Variants in KIF6 observed in about 807,000 individuals in gnomAD.
KIF6 encodes the protein kinesin family member 6.
Under a neutral mutation model 112.7 loss-of-function variants are expected in KIF6, and 106 were observed. The observed-to-expected ratio is 0.94, with a 90% CI of 0.80 to 1.11. The LOEUF is 1.11. Among genes scored for constraint, KIF6 ranks in the 50% least tolerant of loss-of-function variants. The pLI, the probability that KIF6 is intolerant of heterozygous loss-of-function variation, is 0.00. For synonymous variants in KIF6, 339 were observed against 339.9 expected (o/e 1.00, Z 0.03); for missense variants, 929 against 964.0 (o/e 0.96, Z 0.48).
chr6:39,542,663 G>A (rs192057733), intron 12 of KIF6, among the ~76,000 whole-genome samples: 2 of 152,270 alleles, frequency 1.3e-5, no homozygotes, highest in African/African-American at 4.8e-5. Flanking sequence ...ACAGCTTTGA[G>A]AGGATTAAAT....
chr6:39,361,523 C>T (rs1765135765), intron 17 of KIF6, among the ~76,000 whole-genome samples: 1 of 136,836 alleles, frequency 7.3e-6, no homozygotes, highest in Non-Finnish European at 1.5e-5. Context: ...CACACCACTG[C>T]ACTGCAGCCT....
rs202145144 is a variant in KIF6 at position 39,385,643 on chromosome 6, G to T, written c.1840C>A (p.His614Asn). 22 of 1,613,690 alleles carry T rather than the reference G, an allele frequency of 1.4e-5. No homozygotes were observed. In the East Asian group the frequency reaches 4.9e-4, roughly 36 times the overall value. ...CTACCTAGGGCTACTTGCTGTATATGCCGCTGGGTGATTTCTTCCTTCAGG... is the reference window on the plus strand; with the variant it reads ...CTACCTAGGGCTACTTGCTGTATATTCCGCTGGGTGATTTCTTCCTTCAGG... ...GHLKEEITQR[H>N]IQQVALGISE... Residue 614 changes from histidine to asparagine, a missense_variant, in exon 16 of 23, where the codon CAT becomes AAT. Coordinates refer to ENST00000287152, the MANE Select transcript of KIF6 (RefSeq NM_145027.6).
At position 39,343,798 on chromosome 6, in the gene KIF6, A is replaced by G. The variant is rs754709312; in HGVS notation, c.2339T>C (p.Val780Ala). Residue 780 changes from valine to alanine, a missense_variant, in exon 22 of 23, where the codon GTG becomes GCG. Val to Ala is a moderately conservative substitution (Grantham distance 64). This residue lies in a region of KIF6 where 241 missense variants were observed against 301.4 expected (regional missense o/e 0.80). Transcript: ENST00000287152. This position sits in a 1 kb window ranked among gnomAD's most constrained non-coding sequence, Gnocchi z 4.1. ...GTCTCCGGTGAGAGGGATGGACGACACTGGCCTCTTGGGGATGCTGGAGGC... is the reference window on the plus strand; with the variant it reads ...GTCTCCGGTGAGAGGGATGGACGACGCTGGCCTCTTGGGGATGCTGGAGGC... ...PLEDSIPKRP[V>A]SSIPLTGDSQ... 4.4e-5 allele frequency: 70 copies of G among 1,608,786 alleles called. No homozygotes were observed. The highest frequency in any genetic ancestry group is 5.6e-5 in the Non-Finnish European group (66 of 1,177,886).
chr6:39,643,807 GA>G (rs1179965525), intron 3 of KIF6, among the ~76,000 whole-genome samples: 1 of 151,768 alleles, frequency 6.6e-6, no homozygotes. Flanking sequence ...AGAGCCAAAG[GA>G]AAAAAATAAG....
chr6:39,695,532 G>A (rs965723110), intron 3 of KIF6, among the ~76,000 whole-genome samples: 1 of 151,932 alleles, frequency 6.6e-6, no homozygotes, highest in African/African-American at 2.4e-5. Context: ...ATACAAATGG[G>A]CAACCAAGAT....
chr6:39,655,626 G>T (rs771649080), intron 3 of KIF6, among the ~76,000 whole-genome samples: 1 of 151,748 alleles, frequency 6.6e-6, no homozygotes, highest in Non-Finnish European at 1.5e-5. Flanking sequence ...CTTTGTTTTT[G>T]CTCAGTTAAT....
intron 13 of KIF6, among the ~76,000 whole-genome samples, chr6:39,440,915 C>A (rs755145521): frequency 6.6e-6 from 1 of 152,074 alleles, no homozygotes; most frequent in Non-Finnish European, 1.5e-5. Context: ...GCAGCTTTGA[C>A]GATGGAGAGC....
intron 13 of KIF6, among the ~76,000 whole-genome samples, chr6:39,452,295 C>T (rs1182872452): frequency 6.6e-6 from 1 of 152,200 alleles, no homozygotes; most frequent in Non-Finnish European, 1.5e-5. Context: ...TGCTTAAAAA[C>T]TCAGCTTGGC....
chr6:39,435,069 G>T (rs896436385), intron 13 of KIF6, among the ~76,000 whole-genome samples: 5 of 152,086 alleles, frequency 3.3e-5, no homozygotes, highest in Admixed American at 3.3e-4. Flanking sequence ...GATTATAAAG[G>T]GGTGAAAAAT....
intron 4 of KIF6, among the ~76,000 whole-genome samples, chr6:39,637,331 G>T (rs1784672815): frequency 6.6e-6 from 1 of 151,962 alleles, no homozygotes; most frequent in Non-Finnish European, 1.5e-5. Flanking sequence ...GAGCTATGTG[G>T]CAAGCTACCT....
intron 13 of KIF6, among the ~76,000 whole-genome samples, chr6:39,498,238 A>T (rs1775898620): frequency 6.6e-6 from 1 of 152,198 alleles, no homozygotes; most frequent in South Asian, 2.1e-4. Context: ...TACAGAACTC[A>T]TGATGAAAAC....
chr6:39,525,812 A>G (rs144393348), intron 13 of KIF6, among the ~76,000 whole-genome samples: 9 of 97,798 alleles, frequency 9.2e-5, no homozygotes, highest in Admixed American at 5.1e-4. Context: ...TAAATAGATA[A>G]ATAAATAAAT....
intron 10 of KIF6, among the ~76,000 whole-genome samples, chr6:39,550,323 G>A (rs1779298514): frequency 6.6e-6 from 1 of 152,020 alleles, no homozygotes; most frequent in Non-Finnish European, 1.5e-5. Context: ...TTAGAAACAA[G>A]AGCAAACCTA....
At chr6:39,715,926 C>T (rs1789824338) in intron 2 of KIF6, among the ~76,000 whole-genome samples, 1 of 152,122 alleles carries the variant, frequency 6.6e-6, no homozygotes, top group African/African-American at 2.4e-5. Context: ...CACATAGCTG[C>T]TGAACTGCTT....
intron 13 of KIF6, among the ~76,000 whole-genome samples, chr6:39,442,016 C>T (rs1771945910): frequency 6.6e-6 from 1 of 152,292 alleles, no homozygotes; most frequent in East Asian, 1.9e-4. Context: ...TTAGGAGACC[C>T]ACCCAATGGT....
chr6:39,619,597 A>G (rs1783706283), intron 5 of KIF6, among the ~76,000 whole-genome samples: 1 of 152,168 alleles, frequency 6.6e-6, no homozygotes, highest in Non-Finnish European at 1.5e-5. Context: ...ATGCTTCAAT[A>G]TGCCATGAAA....
At chr6:39,718,737 G>GA (rs752779166) in intron 2 of KIF6, among the ~76,000 whole-genome samples, 2,640 of 86,082 alleles carry the variant, frequency 0.031, 58 homozygotes, top group African/African-American at 0.084. Flanking sequence ...ACCTGTCTTA[G>GA]AAAAAAAAAA....
intron 7 of KIF6, among the ~76,000 whole-genome samples, chr6:39,587,846 G>A (rs1781718336): frequency 6.6e-6 from 1 of 152,070 alleles, no homozygotes; most frequent in Non-Finnish European, 1.5e-5. Flanking sequence ...CCTTTCATCT[G>A]GACAATTCCC....
At chr6:39,353,278 A>T (rs1180466252) in intron 19 of KIF6, among the ~76,000 whole-genome samples, 2 of 152,160 alleles carry the variant, frequency 1.3e-5, no homozygotes, top group African/African-American at 4.8e-5. Context: ...ATATGTATGT[A>T]GTGGTATCTC....
Sources: allele counts gnomAD v4.1 joint callset (sites outside exome capture counted in the v4.1 genomes callset), GRCh38; gene constraint gnomAD v4.1.1; regional missense constraint gnomAD v4.1.1; non-coding constraint Gnocchi (gnomAD v3.1); transcripts MANE v1.5; gene names NCBI Gene and HGNC (gene_info 2026-07-23, HGNC 2026-07-21).